PTCH1: variants seen among roughly 807,000 people sequenced by gnomAD.
PTCH1 encodes patched 1, also known as protein patched homolog 1.
PTCH1 carries 14 observed loss-of-function variants against 144.6 expected under a neutral mutation model. That is an observed-to-expected ratio of 0.10 (90% CI 0.06 to 0.15). The LOEUF (loss-of-function observed/expected upper bound fraction) is 0.15, where lower values mean the gene tolerates loss of function less well. PTCH1 is among the 10% of genes least tolerant of loss of function. The probability of loss-of-function intolerance (pLI) is 1.00; values close to 1 mark genes in which losing one functional copy is unlikely to be tolerated. For missense variants in PTCH1, 1,623 were observed against 1,948.3 expected, an observed-to-expected ratio of 0.83 and a Z score of 3.14; for synonymous variants, 833 against 793.6, an observed-to-expected ratio of 1.05 and a Z score of -0.83.
At chr9:95,448,338 C>T (rs958967112) in intron 22 of PTCH1, among the ~76,000 whole-genome samples, 2 of 152,190 alleles carry the variant, frequency 1.3e-5, no homozygotes, top group Admixed American at 6.5e-5. Flanking sequence ...CCTGGAGGGA[C>T]AGCAGGGGGC....
At chr9:95,516,880 G>A in exon 1 of PTCH1, 1 of 1,451,172 alleles carries the variant, frequency 6.9e-7, no homozygotes, top group Non-Finnish European at 9.4e-7. Flanking sequence ...TCACGTGACG[G>A]ATCCGAAAAC....
chr9:95,506,846 T>G, intron 1 of PTCH1: 22 of 1,168,756 alleles, frequency 1.9e-5, no homozygotes, highest in Admixed American at 4.6e-5. Context: ...ACCCGCGGGA[T>G]CCCTGAGCGA....
chr9:95,507,342 C>G, intron 1 of PTCH1: 2 of 985,536 alleles, frequency 2.0e-6, no homozygotes, highest in Non-Finnish European at 2.4e-6. Flanking sequence ...CAGGCCGGCG[C>G]AGGCTGCTCC....
At chr9:95,490,519 T>TCACACACA (rs536111739) in intron 2 of PTCH1, among the ~76,000 whole-genome samples, 1,950 of 119,866 alleles carry the variant, frequency 0.016, 30 homozygotes, top group African/African-American at 0.039. Flanking sequence ...ACCTTCTATG[T>TCACACACA]GACACACACA....
Position 95,488,293 on chromosome 9 carries a change from C to G in PTCH1, c.395-2419G>C, listed in dbSNP as rs61317797. The stretch of plus-strand genomic sequence containing the variant: ...GGAATTGGAAAACCTGTCGCTCCCC[C>G]ATCTCTTTGCTCTAATGATGAACAC... On this transcript the variant is annotated intron_variant, in intron 2 of 23. Transcript: ENST00000331920. 3.4e-3 allele frequency among the ~76,000 whole-genome samples: 524 copies of G among 152,266 alleles called. 3 individuals carry two copies. Among genetic ancestry groups the G allele is most frequent in the African/African-American group, 0.012 (501 of 41,554 alleles).
chr9:95,457,104 G>T (rs1337051050), intron 18 of PTCH1, among the ~76,000 whole-genome samples: 1 of 152,166 alleles, frequency 6.6e-6, no homozygotes, highest in African/African-American at 2.4e-5. Context: ...CATCTTCCTT[G>T]TAAAAATTTG....
At position 95,480,434 on chromosome 9, in the gene PTCH1, C is replaced by T. The variant is rs767601899; in HGVS notation, c.901G>A (p.Asp301Asn). ...GGGGCTGTGGCGGGGCAGTCTGGAT[C>T]GGCCGGATTGAGGCAGGGGCGGTCC... ...YMDRPCLNPA[D>N]PDCPATAPNK... Residue 301 changes from aspartate to asparagine, a missense_variant, in exon 6 of 24, where the codon GAT (aspartate) becomes AAT (asparagine). Physicochemically the swap from Asp to Asn is conservative, Grantham distance 23. This residue lies in a region of PTCH1 where 230 missense variants were observed against 271.0 expected (regional missense o/e 0.85). Coordinates refer to ENST00000331920, the MANE Select transcript of PTCH1 (RefSeq NM_000264.5). 27 of 1,611,076 alleles carry T rather than the reference C, an allele frequency of 1.7e-5. No individual in the cohort carries two copies. The highest frequency in any genetic ancestry group is 8.9e-5 in the East Asian group (4 of 44,838).
Position 95,449,827 on chromosome 9 carries a change from G to GT in PTCH1, c.3549+13dup. On this transcript the variant is annotated intron_variant, in intron 21 of 23. Transcript: ENST00000331920. This position sits in a 1 kb window ranked among gnomAD's most constrained non-coding sequence, Gnocchi z 5.3. ...GCCGGCCTACACGTGGGACATCCCC[G>GT]TGTCACTACTGACCTCAGGATATGG... 1 of 1,602,718 alleles carries GT rather than the reference G, an allele frequency of 6.2e-7. No homozygotes were observed. Among genetic ancestry groups the GT allele is most frequent in the Middle Eastern group, 1.7e-4 (1 of 6,038 alleles).
At chr9:95,479,224 G>T in intron 7 of PTCH1, 77 bp from the exon 8 acceptor site, 1 of 1,585,302 alleles carries the variant, frequency 6.3e-7, no homozygotes, top group Non-Finnish European at 8.6e-7. Flanking sequence ...TCCCCAGCCA[G>T]CTCCCCCAAC....
chr9:95,480,209 T>C (rs1841420690), intron 6 of PTCH1, 119 bp from the exon 7 acceptor site: 10 of 1,556,680 alleles, frequency 6.4e-6, no homozygotes, highest in East Asian at 2.2e-5. Context: ...GCAAGGCTAA[T>C]GGGAGGTGTA....
intron 12 of PTCH1, among the ~76,000 whole-genome samples, chr9:95,471,529 G>C (rs1026870810): frequency 6.6e-6 from 1 of 152,188 alleles, no homozygotes; most frequent in Non-Finnish European, 1.5e-5. Flanking sequence ...CTTTTAAAAA[G>C]AAAAGTCTAG....
chr9:95,497,976 T>C (rs1018970858), intron 2 of PTCH1, among the ~76,000 whole-genome samples: 1 of 144,072 alleles, frequency 6.9e-6, no homozygotes, highest in Non-Finnish European at 1.5e-5. Context: ...CGGAGTGGTG[T>C]TTACATTGCA....
upstream of PTCH1, among the ~76,000 whole-genome samples, chr9:95,511,521 G>C (rs1188592275): frequency 6.6e-6 from 1 of 152,164 alleles, no homozygotes. Context: ...CCTGAGCACC[G>C]GGCCAGCGCG....
At chr9:95,479,669 C>A (rs1002704006) in intron 7 of PTCH1, among the ~76,000 whole-genome samples, 1 of 152,134 alleles carries the variant, frequency 6.6e-6, no homozygotes, top group Non-Finnish European at 1.5e-5. Context: ...CAGTGTGTCC[C>A]GGCCTACTTT....
chr9:95,453,440 G>T (rs528981952), intron 20 of PTCH1, 38 bp downstream of exon 20: 4 of 1,612,844 alleles, frequency 2.5e-6, no homozygotes, highest in East Asian at 4.5e-5. Flanking sequence ...CAATCACAAT[G>T]ATTTCTAAAA....
At chr9:95,459,867 T>TC in intron 16 of PTCH1, 84 bp from the exon 17 acceptor site, 3 of 1,425,958 alleles carry the variant, frequency 2.1e-6, no homozygotes, top group Non-Finnish European at 2.0e-6. Context: ...GAAGCTGAGC[T>TC]TCGCACAGCA....
At chr9:95,511,042 C>T (rs1260919908), upstream of PTCH1, among the ~76,000 whole-genome samples, 1 of 150,106 alleles carries the variant, frequency 6.7e-6, no homozygotes, top group African/African-American at 2.4e-5. Flanking sequence ...CGGACCGGCC[C>T]CCTTACGCTG....
chr9:95,508,065 G>A (rs1843869517), intron 1 of PTCH1, 96 bp downstream of exon 1: 2 of 1,573,768 alleles, frequency 1.3e-6, no homozygotes, highest in Admixed American at 1.8e-5. Flanking sequence ...GTGTGAGAGA[G>A]AGAGGAAGAG....
At chr9:95,481,494 T>C (rs1841530268) in intron 5 of PTCH1, among the ~76,000 whole-genome samples, 1 of 152,226 alleles carries the variant, frequency 6.6e-6, no homozygotes, top group South Asian at 2.1e-4. Flanking sequence ...GATTTCCCCC[T>C]TAAATGCCAT....
Sources: allele counts gnomAD v4.1 joint callset (sites outside exome capture counted in the v4.1 genomes callset), GRCh38; gene constraint gnomAD v4.1.1; regional missense constraint gnomAD v4.1.1; non-coding constraint Gnocchi (gnomAD v3.1); transcripts MANE v1.5; gene names NCBI Gene and HGNC (gene_info 2026-07-23, HGNC 2026-07-21).